Variants in MTCH2 observed in about 807,000 individuals in gnomAD.
MTCH2 encodes the protein mitochondrial carrier homolog 2.
A neutral mutation model predicts 50.6 loss-of-function variants in MTCH2; 25 were observed. The ratio of observed to expected loss-of-function variants is 0.49; its 90% CI spans 0.36 to 0.69. The LOEUF (loss-of-function observed/expected upper bound fraction) is 0.69, where lower values mean the gene tolerates loss of function less well. MTCH2 is among the 30% of genes least tolerant of loss of function. The pLI, the probability that MTCH2 is intolerant of heterozygous loss-of-function variation, is 0.00. For synonymous variants in MTCH2, 106 were observed against 132.0 expected (o/e 0.80, Z 1.35); for missense variants, 273 against 384.4 (o/e 0.71, Z 2.42).
chr11:47,633,698 G>A (rs1324569809), intron 5 of MTCH2, among the ~76,000 whole-genome samples: 2 of 149,968 alleles, frequency 1.3e-5, no homozygotes, highest in African/African-American at 4.9e-5. Flanking sequence ...CACCATGCCT[G>A]GCTAATTTTT....
intron 1 of MTCH2, among the ~76,000 whole-genome samples, chr11:47,640,933 G>C (rs1463596624): frequency 6.6e-6 from 1 of 152,024 alleles, no homozygotes; most frequent in Admixed American, 6.6e-5. Context: ...GTTTTGCTCT[G>C]TTGCCCAGGC....
In MTCH2 at chr11:47,634,655, T is replaced by C; in HGVS notation, c.369+17A>G. On this transcript the variant is annotated intron_variant, in intron 5 of 12. Coordinates refer to ENST00000302503, the MANE Select transcript of MTCH2 (RefSeq NM_014342.4). ...TTTGATCTGGGCAAACAGCACAGGA[T>C]GTAATTCATCTCTTACCTCCTTGAT... is the stretch of plus-strand genomic sequence containing the variant. 6.3e-7 allele frequency: 1 copy of C among 1,592,386 alleles called. No individual in the cohort carries two copies. The highest frequency in any genetic ancestry group is 1.1e-5 in the South Asian group (1 of 89,884).
intron 3 of MTCH2, among the ~76,000 whole-genome samples, 174 bp from the exon 4 acceptor site, chr11:47,635,745 A>G (rs2097307973): frequency 6.6e-6 from 1 of 152,106 alleles, no homozygotes; most frequent in Non-Finnish European, 1.5e-5. Flanking sequence ...ATCAACTGGA[A>G]ATATGGATCT....
At chr11:47,612,575 T>G (rs1469024685), downstream of MTCH2, among the ~76,000 whole-genome samples, 2 of 151,314 alleles carry the variant, frequency 1.3e-5, no homozygotes, top group African/African-American at 4.9e-5. Flanking sequence ...AAAAAAAAAT[T>G]AGCCAGATGT....
chr11:47,611,604 T>A, the MTCH2 span, among the ~76,000 whole-genome samples: 1 of 152,244 alleles, frequency 6.6e-6, no homozygotes, highest in Admixed American at 6.5e-5. Flanking sequence ...CGTCCACGTG[T>A]CATCTTGGAG....
chr11:47,636,694 T>C (rs1247454778), intron 3 of MTCH2, among the ~76,000 whole-genome samples: 2 of 151,512 alleles, frequency 1.3e-5, no homozygotes, highest in Non-Finnish European at 2.9e-5. Context: ...ACCATGCCAT[T>C]GCACTCCAGC....
intron 12 of MTCH2, among the ~76,000 whole-genome samples, chr11:47,620,058 C>G (rs1373713674): frequency 1.3e-5 from 2 of 151,832 alleles, no homozygotes; most frequent in Non-Finnish European, 2.9e-5. Flanking sequence ...GCCTGGATGA[C>G]AGAGCAAGCC....
In MTCH2 at chr11:47,618,199, G is replaced by C. The variant is rs557551109; in HGVS notation, c.*634C>G. 1 of 152,234 alleles carries C rather than the reference G, an allele frequency of 6.6e-6. No individual in the cohort carries two copies. Among genetic ancestry groups the C allele is most frequent in the South Asian group, 2.1e-4 (1 of 4,820 alleles). 9.4% of individuals were successfully genotyped at this position (152,234 alleles called of 1,614,324 possible). On this transcript the variant is annotated 3_prime_UTR_variant, in exon 13 of 13. Transcript: ENST00000302503. ...TTTTTTCAGGTAGCCTCTTGAACTA[G>C]AGTAGGCTCAGAGGCTCCCTGTAGG... is the stretch of plus-strand genomic sequence containing the variant.
chr11:47,634,590 C>A, intron 5 of MTCH2, 82 bp downstream of exon 5: 2 of 1,076,856 alleles, frequency 1.9e-6, no homozygotes, highest in South Asian at 1.4e-5. Flanking sequence ...ACTGAACACA[C>A]AGGCCTGATG....
chr11:47,613,068 A>AT (rs560795101), downstream of MTCH2, among the ~76,000 whole-genome samples: 171 of 145,460 alleles, frequency 1.2e-3, no homozygotes, highest in South Asian at 0.011. Flanking sequence ...TGCCTGGCTA[A>AT]TTTTTTTTTT....
intron 3 of MTCH2, among the ~76,000 whole-genome samples, chr11:47,636,113 G>A (rs1212331257): frequency 6.6e-6 from 1 of 151,486 alleles, no homozygotes; most frequent in East Asian, 1.9e-4. Flanking sequence ...AGGTGACAGA[G>A]CAAGAGTCCG....
At chr11:47,621,901 A>G (rs2097293659) in intron 12 of MTCH2, among the ~76,000 whole-genome samples, 1 of 145,692 alleles carries the variant, frequency 6.9e-6, no homozygotes, top group East Asian at 2.1e-4. Context: ...ACAGGGTCTC[A>G]CTCTGTCACC....
intron 12 of MTCH2, among the ~76,000 whole-genome samples, chr11:47,621,164 T>C (rs2097292839): frequency 1.3e-5 from 2 of 152,182 alleles, no homozygotes; most frequent in Admixed American, 6.5e-5. Flanking sequence ...ATTCAAGTAT[T>C]CAAGCTTGGA....
Position 47,642,551 on chromosome 11 carries a change from G to A in MTCH2, c.-86C>T. The A allele has an allele frequency of 4.8e-6, 6 of 1,241,846 alleles. No individual in the cohort carries two copies. Among genetic ancestry groups the A allele is most frequent in the African/African-American group, 1.6e-5 (1 of 63,298 alleles). The allele number at this position is 1,241,846 out of a possible 1,614,324, so 76.9% of individuals were successfully genotyped here. On this transcript the variant is annotated 5_prime_UTR_variant, in exon 1 of 13. Transcript: ENST00000302503. ...TCCTAGGTCACGTGCCAGGGCCGCC[G>A]GTTTCACTGGCCCGCCCGCGGCGCG...
rs1195526422 is a variant in MTCH2 at position 47,631,651 on chromosome 11, T to C, written c.427+3A>G. ...AAAGGTCAGTTGTCAACTGCAAACA[T>C]ACCATGGAAGGGATGTGTGATGAGG... On this transcript the variant is annotated splice_donor_region_variant and intron_variant, in intron 6 of 12. Coordinates refer to ENST00000302503, the MANE Select transcript of MTCH2 (RefSeq NM_014342.4). 1 of 1,613,922 alleles carries C rather than the reference T, an allele frequency of 6.2e-7. No individual in the cohort carries two copies. Among genetic ancestry groups the C allele is most frequent in the Non-Finnish European group, 8.5e-7 (1 of 1,179,954 alleles).
At chr11:47,623,606 C>T (rs911532871) in intron 11 of MTCH2, among the ~76,000 whole-genome samples, 1 of 152,152 alleles carries the variant, frequency 6.6e-6, no homozygotes, top group Non-Finnish European at 1.5e-5. Flanking sequence ...GAAAACATCA[C>T]AGCTTGCCAG....
At chr11:47,639,797 C>T (rs186450844) in intron 1 of MTCH2, among the ~76,000 whole-genome samples, 190 of 152,178 alleles carry the variant, frequency 1.2e-3, no homozygotes, top group African/African-American at 4.5e-3. Flanking sequence ...GAGATTGTGT[C>T]ACTGCACTCC....
chr11:47,629,875 A>T (rs1286094173), intron 8 of MTCH2, among the ~76,000 whole-genome samples: 4 of 152,026 alleles, frequency 2.6e-5, no homozygotes, highest in African/African-American at 9.7e-5. Flanking sequence ...TTACTCTTTT[A>T]CGGTAAGGAA....
chr11:47,625,192 G>A (rs906026868), intron 11 of MTCH2, among the ~76,000 whole-genome samples: 1 of 151,696 alleles, frequency 6.6e-6, no homozygotes, highest in African/African-American at 2.4e-5. Context: ...AGACTGAGGC[G>A]GGTGGATCAC....
Sources: allele counts gnomAD v4.1 joint callset (sites outside exome capture counted in the v4.1 genomes callset), GRCh38; gene constraint gnomAD v4.1.1; transcripts MANE v1.5; gene names NCBI Gene and HGNC (gene_info 2026-07-23, HGNC 2026-07-21).